Variants in ZNF789 observed in about 807,000 individuals in gnomAD.
ZNF789 encodes zinc finger protein 789.
ZNF789 carries 11 observed loss-of-function variants against 15.6 expected under a neutral mutation model. The ratio of observed to expected loss-of-function variants is 0.70; its 90% confidence interval spans 0.44 to 1.16. The LOEUF (loss-of-function observed/expected upper bound fraction) is 1.16. ZNF789 is among the 50% of genes most tolerant of loss of function. The probability of loss-of-function intolerance (pLI) is 0.00; values close to 1 mark genes in which losing one functional copy is unlikely to be tolerated. For synonymous variants in ZNF789, 159 were observed against 176.0 expected (o/e 0.90, Z 0.76); for missense variants, 461 against 512.6 (o/e 0.90, Z 0.97).
intron 2 of ZNF789, chr7:99,479,247 C>T (rs1258375254): frequency 1.2e-5 from 2 of 162,788 alleles, no homozygotes; most frequent in Non-Finnish European, 2.6e-5. Context: ...AGCAAACTGC[C>T]CTGGACCGCT....
chr7:99,473,614 A>G (rs768051078), intron 1 of ZNF789, among the ~76,000 whole-genome samples: 22 of 152,114 alleles, frequency 1.4e-4, no homozygotes, highest in Non-Finnish European at 2.4e-4. Flanking sequence ...CAGGGAAATA[A>G]GGAATTGTTG....
At chr7:99,481,752 C>G (rs1301617981) in intron 3 of ZNF789, 1 of 205,398 alleles carries the variant, frequency 4.9e-6, no homozygotes, top group Non-Finnish European at 1.0e-5. Context: ...CCACTGCACC[C>G]AGCTGAGAGT....
chr7:99,476,157 G>T (rs1415152843), intron 1 of ZNF789: 1 of 391,200 alleles, frequency 2.6e-6, no homozygotes, highest in Admixed American at 4.9e-5. Context: ...ATGAGGTGCA[G>T]AGTATGACAT....
rs191952653 is a variant in ZNF789, at chr7:99,482,135, G to A, written c.152-1895G>A. On this transcript the variant is annotated intron_variant, in intron 3 of 4. Coordinates refer to ENST00000331410, the MANE Select transcript of ZNF789 (RefSeq NM_213603.3). ...CATGTAGCTTCTTCAAGCTACGCTTGATTTAATTGTTCCCTTTTGATATTC... is the reference window on the plus strand; with the variant it reads ...CATGTAGCTTCTTCAAGCTACGCTTAATTTAATTGTTCCCTTTTGATATTC... 325 of 779,702 alleles carry A rather than the reference G, an allele frequency of 4.2e-4. 1 individual carries two copies. The highest frequency in any genetic ancestry group is 9.0e-4 in the Middle Eastern group (3 of 3,338). The allele number at this position is 779,702 out of a possible 1,614,324, so 48.3% of individuals were successfully genotyped here. A position where few individuals can be genotyped will look rare whatever the true frequency, so the allele number is the denominator to read the frequency against.
rs756909010 is a variant in ZNF789, at chr7:99,486,909, C to G, written c.699C>G (p.Val233=). 1.2e-6 allele frequency: 2 copies of G among 1,614,100 alleles called. No homozygotes were observed. Among genetic ancestry groups the G allele is most frequent in the Non-Finnish European group, 1.7e-6 (2 of 1,180,038 alleles). The change falls in exon 5 of 5, where the codon GTC becomes GTG. Residue 233 remains valine (V), a synonymous_variant. Transcript: ENST00000331410. ...TAGAGAATCCTTTTGAGTGTAAGGT[C>G]TGTGGGCAAGCCTTCAGACAGCGGT... ...HFLENPFECK[V]CGQAFRQRSA... is the part of the protein sequence containing the mutation.
chr7:99,483,629 T>TA (rs1009494127), intron 3 of ZNF789: 14 of 737,192 alleles, frequency 1.9e-5, no homozygotes, highest in East Asian at 7.6e-5. Flanking sequence ...GTCTCAAAAA[T>TA]AAAAAAAATA....
chr7:99,484,337 A>G (rs1799801234), intron 4 of ZNF789, among the ~76,000 whole-genome samples, 194 bp downstream of exon 4: 1 of 152,180 alleles, frequency 6.6e-6, no homozygotes, highest in South Asian at 2.1e-4. Context: ...TAAGATTAAG[A>G]AATCTTGGCT....
At position 99,486,558 on chromosome 7, in the gene ZNF789, G is replaced by A. The variant is rs1799965742; in HGVS notation, c.348G>A (p.Val116=). Residue 116 remains valine, a synonymous_variant, in exon 5 of 5, where the codon GTG becomes GTA. Transcript: ENST00000331410. ...SEDLESYKIS[V]VMQESAEKLS... Reference sequence around the variant, plus strand: ...ATTTAGAGTCATATAAGATATCAGTGGTAATGCAGGAATCAGCTGAGAAAC... The same window carrying A: ...ATTTAGAGTCATATAAGATATCAGTAGTAATGCAGGAATCAGCTGAGAAAC... 2 of 1,614,038 alleles carry A rather than the reference G, an allele frequency of 1.2e-6. No individual in the cohort carries two copies. The highest frequency in any genetic ancestry group is 2.2e-5 in the South Asian group (2 of 91,084).
chr7:99,486,357 T>G, intron 4 of ZNF789, 119 bp from the exon 5 acceptor site: 1 of 1,043,638 alleles, frequency 9.6e-7, no homozygotes, highest in Non-Finnish European at 1.4e-6. Flanking sequence ...TCTGATGATG[T>G]AAACGAGATC....
rs775417980 is a variant in ZNF789 at position 99,486,845 on chromosome 7, G to C, written c.635G>C (p.Arg212Pro). Residue 212 changes from arginine (R) to proline (P), a missense_variant, in exon 5 of 5, where the codon CGT (arginine) becomes CCT (proline). Arg to Pro is a moderately radical substitution (Grantham distance 103). Coordinates refer to ENST00000331410, the MANE Select transcript of ZNF789 (RefSeq NM_213603.3). ...ECSECGKVIR[R>P]KAWFDQHQRI... Reference sequence around the variant, plus strand: ...AGTGAATGTGGAAAAGTCATTAGGCGTAAGGCATGGTTTGATCAACATCAA... The same window carrying C: ...AGTGAATGTGGAAAAGTCATTAGGCCTAAGGCATGGTTTGATCAACATCAA... 10 of 1,614,170 alleles carry C rather than the reference G, an allele frequency of 6.2e-6. 1 individual carries two copies. The Admixed American group carries it at 1.3e-4, about 22-fold the overall frequency.
At position 99,487,533 on chromosome 7, in the gene ZNF789, T is replaced by C. The variant is rs78778842; in HGVS notation, c.*45T>C. 2.9e-3 allele frequency: 4,478 copies of C among 1,560,492 alleles called. 15 individuals carry two copies. Among genetic ancestry groups the C allele is most frequent in the Non-Finnish European group, 3.5e-3 (4,084 of 1,153,562 alleles). ...ATTGGAGAACTAGAACTTATAAACCTCTACTTCAAGTGTGTATCACGTAAT... is the reference window on the plus strand; with the variant it reads ...ATTGGAGAACTAGAACTTATAAACCCCTACTTCAAGTGTGTATCACGTAAT... On this transcript the variant is annotated 3_prime_UTR_variant, in exon 5 of 5. Transcript: ENST00000331410.
chr7:99,474,259 A>G (rs747643772), intron 1 of ZNF789, among the ~76,000 whole-genome samples: 7 of 152,164 alleles, frequency 4.6e-5, no homozygotes, highest in Non-Finnish European at 1.0e-4. Context: ...AAAATAGCTC[A>G]TGAGCTAAAA....
intron 3 of ZNF789, chr7:99,482,223 G>C: frequency 1.3e-6 from 1 of 779,072 alleles, no homozygotes; most frequent in East Asian, 2.4e-5. Flanking sequence ...CATTCATCTT[G>C]GTTGCAATTG....
chr7:99,473,529 C>T (rs574918164), intron 1 of ZNF789, among the ~76,000 whole-genome samples: 126 of 152,296 alleles, frequency 8.3e-4, no homozygotes, highest in African/African-American at 2.7e-3. Context: ...GGATCAGCCT[C>T]GCATCTGTAG....
rs1257663158 is a variant in ZNF789 at position 99,484,150 on chromosome 7, G to A, written c.265+7G>A. The A allele has an allele frequency of 4.3e-6, 7 of 1,609,400 alleles. No homozygotes were observed. Among genetic ancestry groups the A allele is most frequent in the Admixed American group, 3.3e-5 (2 of 59,906 alleles). On this transcript the variant is annotated splice_region_variant and intron_variant, in intron 4 of 4. Coordinates refer to ENST00000331410, the MANE Select transcript of ZNF789 (RefSeq NM_213603.3). ...TCCGGTAGTGCTTGCCCAGGTGGGT[G>A]AGGAAGAGACCCAGGCGAGTGGAAT... is the stretch of plus-strand genomic sequence containing the variant.
rs531192307 is a variant in ZNF789, at chr7:99,485,450, T to A, written c.266-1026T>A. ...AGACCCATTGCTCTATTCAGTTGGC[T>A]TTTGTCCCTACTTCCCTCTGGTTCC... On this transcript the variant is annotated intron_variant, in intron 4 of 4. Transcript: ENST00000331410. 4 of 594,394 alleles carry A rather than the reference T, an allele frequency of 6.7e-6. No homozygotes were observed. The East Asian group carries it at 8.4e-5, about 12-fold the overall frequency. 36.8% of individuals were successfully genotyped at this position (594,394 alleles called of 1,614,324 possible). A position where few individuals can be genotyped will look rare whatever the true frequency, so the allele number is the denominator to read the frequency against.
chr7:99,474,888 G>A (rs948234787), intron 1 of ZNF789, among the ~76,000 whole-genome samples: 3 of 151,984 alleles, frequency 2.0e-5, no homozygotes, highest in Non-Finnish European at 4.4e-5. Context: ...AGGAGACTGA[G>A]GCAGGAGCAT....
intron 1 of ZNF789, 49 bp from the exon 2 acceptor site, chr7:99,476,354 A>C: frequency 4.3e-6 from 6 of 1,405,636 alleles, no homozygotes; most frequent in Non-Finnish European, 4.9e-6. Flanking sequence ...CTGCCAACCA[A>C]GAGAGCTTCA....
At chr7:99,484,237 G>T (rs1013408435) in intron 4 of ZNF789, 94 bp downstream of exon 4, 1 of 944,348 alleles carries the variant, frequency 1.1e-6, no homozygotes, top group African/African-American at 1.7e-5. Flanking sequence ...GCTGAGCCAG[G>T]TGCTGGGCAT....
Sources: gnomAD v4.1 joint callset for allele counts (sites outside exome capture counted in the v4.1 genomes callset) on GRCh38, gnomAD v4.1.1 for gene constraint, MANE v1.5 for transcripts, NCBI Gene and HGNC (gene_info 2026-07-23, HGNC 2026-07-21) for gene names.